DCT: variants seen among roughly 807,000 people sequenced by gnomAD.
DCT encodes the protein L-dopachrome tautomerase.
Under a neutral mutation model 53.0 loss-of-function variants are expected in DCT, and 47 were observed. The ratio of observed to expected loss-of-function variants is 0.89; its 90% confidence interval spans 0.70 to 1.13. The LOEUF (loss-of-function observed/expected upper bound fraction) is 1.13. DCT is among the 50% of genes most tolerant of loss of function. The probability of loss-of-function intolerance (pLI) is 0.00; values close to 1 mark genes in which losing one functional copy is unlikely to be tolerated. For synonymous variants in DCT, 244 were observed against 237.0 expected (o/e 1.03, Z -0.27); for missense variants, 669 against 637.4 (o/e 1.05, Z -0.53).
chr13:94,540,265 C>T, the DCT span, among the ~76,000 whole-genome samples: 4 of 152,300 alleles, frequency 2.6e-5, no homozygotes, highest in East Asian at 7.7e-4. Flanking sequence ...ATGCTCTGCT[C>T]TGGGCACTAA....
the DCT span, among the ~76,000 whole-genome samples, chr13:94,527,751 T>A: frequency 6.6e-6 from 1 of 152,164 alleles, no homozygotes; most frequent in South Asian, 2.1e-4. Flanking sequence ...TTGCAGCTCC[T>A]CGCCAGCAAG....
intron 7 of DCT, among the ~76,000 whole-genome samples, chr13:94,442,927 T>A (rs1439901938): frequency 1.3e-5 from 2 of 152,346 alleles, no homozygotes; most frequent in East Asian, 3.8e-4. Context: ...TTGTATTATA[T>A]TATTACTTAC....
At position 94,439,707 on chromosome 13, in the gene DCT, TGG is replaced by T; in HGVS notation, c.*189_*190del. ...TAGAGGTAGCCTCAAGCACTTTAGTTGGGTTTGTTAAACAAGCAAGCAAAGCG... is the reference window on the plus strand; with the variant it reads ...TAGAGGTAGCCTCAAGCACTTTAGTTGTTTGTTAAACAAGCAAGCAAAGCG... On this transcript the variant is annotated 3_prime_UTR_variant, in exon 8 of 8. Transcript: ENST00000377028. 2.3e-6 allele frequency: 1 copy of T among 437,150 alleles called. No homozygotes were observed. The highest frequency in any genetic ancestry group is 4.0e-6 in the Non-Finnish European group (1 of 249,134). 27.1% of individuals were successfully genotyped at this position (437,150 alleles called of 1,614,324 possible). A position where few individuals can be genotyped will look rare whatever the true frequency, so the allele number is the denominator to read the frequency against.
the DCT span, among the ~76,000 whole-genome samples, chr13:94,506,592 T>C: frequency 1.3e-5 from 2 of 152,160 alleles, no homozygotes; most frequent in African/African-American, 4.8e-5. Context: ...AATTAGTAAA[T>C]ATAGAAAGAA....
chr13:94,540,010 C>G, the DCT span, among the ~76,000 whole-genome samples: 1 of 152,070 alleles, frequency 6.6e-6, no homozygotes, highest in African/African-American at 2.4e-5. Context: ...TAACAAAGAT[C>G]GCCTCTGCAG....
At chr13:94,502,393 G>A in the DCT span, among the ~76,000 whole-genome samples, 1 of 152,158 alleles carries the variant, frequency 6.6e-6, no homozygotes, top group African/African-American at 2.4e-5. Flanking sequence ...GAAGGACACG[G>A]ACCTTCCTCC....
chr13:94,528,702 G>C, the DCT span, among the ~76,000 whole-genome samples: 4 of 152,250 alleles, frequency 2.6e-5, no homozygotes, highest in South Asian at 6.2e-4. Context: ...AAATGGTAAA[G>C]AGCATCGACA....
the DCT span, among the ~76,000 whole-genome samples, chr13:94,504,341 G>C: frequency 6.6e-6 from 1 of 152,088 alleles, no homozygotes; most frequent in African/African-American, 2.4e-5. Flanking sequence ...TGGTGCTGGG[G>C]CATTTGTAGT....
At chr13:94,524,118 C>T in the DCT span, among the ~76,000 whole-genome samples, 1 of 152,140 alleles carries the variant, frequency 6.6e-6, no homozygotes, top group Non-Finnish European at 1.5e-5. Context: ...CCCAAAAAAG[C>T]TTTGGTTGCA....
the DCT span, among the ~76,000 whole-genome samples, chr13:94,527,488 C>A: frequency 6.6e-6 from 1 of 152,188 alleles, no homozygotes; most frequent in East Asian, 1.9e-4. Context: ...GATACCCAGG[C>A]AAACAGGGTC....
chr13:94,468,792 A>G lies in DCT; in HGVS notation c.549T>C (p.Asp183=), dbSNP rs1304511729. The G allele has an allele frequency of 1.2e-6, 2 of 1,614,254 alleles. No individual in the cohort carries two copies. The highest frequency in any genetic ancestry group is 8.5e-7 in the Non-Finnish European group (1 of 1,180,046). The change falls in exon 2 of 8, where the codon GAT becomes GAC. Residue 183 remains aspartate (D), a synonymous_variant. Transcript: ENST00000377028. ...AATAATAATGGAGCCACACAAAAAA[A>G]TCATAAACACTGCAGTTGGCAAACT... ...QPQFANCSVY[D]FFVWLHYYSV...
intron 6 of DCT, among the ~76,000 whole-genome samples, chr13:94,445,111 A>G (rs1882633182): frequency 6.6e-6 from 1 of 152,244 alleles, no homozygotes; most frequent in Admixed American, 6.5e-5. Context: ...GTGCAAATAA[A>G]CAGTGTCTAG....
At chr13:94,441,662 G>A (rs1882324190) in intron 7 of DCT, among the ~76,000 whole-genome samples, 1 of 152,142 alleles carries the variant, frequency 6.6e-6, no homozygotes, top group African/African-American at 2.4e-5. Context: ...CCATGTTGTG[G>A]CATGTATCAG....
chr13:94,520,475 C>G, the DCT span, among the ~76,000 whole-genome samples: 2 of 152,180 alleles, frequency 1.3e-5, no homozygotes, highest in African/African-American at 4.8e-5. Flanking sequence ...AGCATCCGAC[C>G]CTGCGTCGAA....
chr13:94,465,977 T>TATAC (rs1455917674), intron 3 of DCT, among the ~76,000 whole-genome samples, 178 bp from the exon 4 acceptor site: 23 of 8,080 alleles, frequency 2.8e-3, no homozygotes, highest in South Asian at 0.012. Flanking sequence ...TTTATATATA[T>TATAC]ATATATATAT....
chr13:94,474,088 AAGAAG>A (rs1239471328), intron 1 of DCT, among the ~76,000 whole-genome samples: 1 of 152,242 alleles, frequency 6.6e-6, no homozygotes, highest in Non-Finnish European at 1.5e-5. Flanking sequence ...CAAAAAATAT[AAGAAG>A]AGAAGTGTTT....
intron 6 of DCT, among the ~76,000 whole-genome samples, chr13:94,455,559 T>C (rs1387200205): frequency 1.3e-5 from 2 of 152,246 alleles, no homozygotes; most frequent in Non-Finnish European, 2.9e-5. Context: ...ATTCATTTGT[T>C]TATGCATGAT....
the DCT span, among the ~76,000 whole-genome samples, chr13:94,509,322 C>A: frequency 6.6e-6 from 1 of 152,082 alleles, no homozygotes; most frequent in Non-Finnish European, 1.5e-5. Context: ...AATCCTGGGT[C>A]CCCATCTCCT....
chr13:94,483,274 C>G (rs1446692019), upstream of DCT, among the ~76,000 whole-genome samples: 1 of 150,564 alleles, frequency 6.6e-6, no homozygotes, highest in Non-Finnish European at 1.5e-5. Context: ...GACCCTGTCT[C>G]AAATAAATAA....
Sources: gnomAD v4.1 joint callset for allele counts (sites outside exome capture counted in the v4.1 genomes callset) on GRCh38, gnomAD v4.1.1 for gene constraint, MANE v1.5 for transcripts, NCBI Gene and HGNC (gene_info 2026-07-23, HGNC 2026-07-21) for gene names.